ZZZ3: variants seen among roughly 807,000 people sequenced by gnomAD.
ZZZ3 encodes the protein ZZ-type zinc finger-containing protein 3.
ZZZ3 carries 22 observed loss-of-function variants against 95.2 expected under a neutral mutation model. The observed-to-expected ratio is 0.23, with a 90% confidence interval of 0.17 to 0.33. The LOEUF (loss-of-function observed/expected upper bound fraction) is 0.33. Among genes scored for constraint, ZZZ3 ranks in the 10% least tolerant of loss-of-function variants. ZZZ3 has a pLI of 1.00. For synonymous variants in ZZZ3, 335 were observed against 358.9 expected, an observed-to-expected ratio of 0.93 and a Z score of 0.75; for missense variants, 885 against 1,066.5, an observed-to-expected ratio of 0.83 and a Z score of 2.37.
intron 5 of ZZZ3, among the ~76,000 whole-genome samples, chr1:77,628,029 C>T (rs1224121032): frequency 1.3e-5 from 2 of 152,182 alleles, no homozygotes; most frequent in Non-Finnish European, 2.9e-5. Flanking sequence ...ACGCTCTGAA[C>T]ATTAAAACCT....
At chr1:77,582,406 A>G (rs1176776906) in intron 6 of ZZZ3, among the ~76,000 whole-genome samples, 2 of 152,188 alleles carry the variant, frequency 1.3e-5, no homozygotes, top group African/African-American at 4.8e-5. Context: ...AAATAAAACT[A>G]ACAACCCATA....
chr1:77,600,810 A>G (rs1209965636), intron 5 of ZZZ3, among the ~76,000 whole-genome samples: 1 of 152,114 alleles, frequency 6.6e-6, no homozygotes, highest in Non-Finnish European at 1.5e-5. Context: ...TGCTCTATAA[A>G]ACCAAAACTG....
chr1:77,618,217 A>C (rs1666503456), intron 5 of ZZZ3, among the ~76,000 whole-genome samples: 1 of 146,592 alleles, frequency 6.8e-6, no homozygotes, highest in Admixed American at 6.8e-5. Context: ...GCTCTAGAAG[A>C]GTAGACCAAT....
At chr1:77,654,005 G>A (rs1465332818) in intron 1 of ZZZ3, among the ~76,000 whole-genome samples, 2 of 151,728 alleles carry the variant, frequency 1.3e-5, no homozygotes, top group Non-Finnish European at 2.9e-5. Flanking sequence ...TGGCTAACAC[G>A]GTGAAACCCC....
chr1:77,566,271 G>A, intron 13 of ZZZ3, 90 bp from the exon 14 acceptor site: 2 of 832,518 alleles, frequency 2.4e-6, no homozygotes, highest in South Asian at 3.5e-5. Flanking sequence ...TGTGCACACA[G>A]ACATCTTCTC....
intron 5 of ZZZ3, among the ~76,000 whole-genome samples, chr1:77,626,317 A>C (rs932941179): frequency 2.0e-5 from 3 of 152,180 alleles, no homozygotes; most frequent in Non-Finnish European, 1.5e-5. Flanking sequence ...TTTACTGTGT[A>C]CTTTATTTCT....
At position 77,635,366 on chromosome 1, in the gene ZZZ3, T is replaced by C. The variant is rs1197545399; in HGVS notation, c.-51-1961A>G. ...TGGTTATATGTTCTACAGAATTTCA[T>C]AGCAACCAAGTGAACAATAAGTACA... is the stretch of plus-strand genomic sequence containing the variant. On this transcript the variant is annotated intron_variant, in intron 4 of 14. Transcript: ENST00000370801. Among the ~76,000 whole-genome samples the C allele has an allele frequency of 3.3e-5, 5 of 152,200 alleles. No individual in the cohort carries two copies. In the South Asian group the frequency reaches 8.3e-4, roughly 25 times the overall value.
intron 5 of ZZZ3, among the ~76,000 whole-genome samples, chr1:77,589,167 A>C (rs1402483469): frequency 6.6e-6 from 1 of 152,130 alleles, no homozygotes; most frequent in African/African-American, 2.4e-5. Context: ...GTGAGCCCCC[A>C]CACCCAACCA....
chr1:77,667,109 C>T (rs1671312162), intron 1 of ZZZ3, among the ~76,000 whole-genome samples: 1 of 152,168 alleles, frequency 6.6e-6, no homozygotes, highest in Admixed American at 6.5e-5. Flanking sequence ...TTACAATGTG[C>T]TAGTTAATAG....
intron 1 of ZZZ3, chr1:77,645,267 A>C (rs1669155757): frequency 6.6e-6 from 1 of 152,184 alleles, no homozygotes; most frequent in Admixed American, 6.5e-5. Context: ...AAAAGAAATA[A>C]AACTTCAGTG....
chr1:77,655,073 G>C (rs1283228698), intron 1 of ZZZ3, among the ~76,000 whole-genome samples: 1 of 152,168 alleles, frequency 6.6e-6, no homozygotes, highest in Non-Finnish European at 1.5e-5. Flanking sequence ...AGCATCACAA[G>C]GTGAGAAGGC....
At chr1:77,610,280 C>T (rs1007684828) in intron 5 of ZZZ3, among the ~76,000 whole-genome samples, 5 of 151,814 alleles carry the variant, frequency 3.3e-5, no homozygotes, top group Non-Finnish European at 7.4e-5. Flanking sequence ...AAATCCAAAA[C>T]CTGAACAGAC....
chr1:77,659,953 C>A (rs1232461729), intron 1 of ZZZ3, among the ~76,000 whole-genome samples: 1 of 152,170 alleles, frequency 6.6e-6, no homozygotes, highest in Admixed American at 6.5e-5. Context: ...CTGCTTTAGC[C>A]TCCCAAGTAG....
chr1:77,655,869 C>A (rs966457036), intron 1 of ZZZ3, among the ~76,000 whole-genome samples: 1 of 152,164 alleles, frequency 6.6e-6, no homozygotes, highest in Admixed American at 6.6e-5. Context: ...TTCTTAGGTC[C>A]AAACCAGCTT....
chr1:77,609,270 A>T (rs546168663), intron 5 of ZZZ3, among the ~76,000 whole-genome samples: 71 of 152,328 alleles, frequency 4.7e-4, no homozygotes, highest in African/African-American at 1.7e-3. Context: ...TTTTAAGACA[A>T]AATCTATAAA....
rs1373614916 is a variant in ZZZ3 at position 77,637,322 on chromosome 1, G to C, written c.-52+2127C>G. On this transcript the variant is annotated intron_variant, in intron 4 of 14. Coordinates refer to ENST00000370801, the MANE Select transcript of ZZZ3 (RefSeq NM_015534.6). ...CTTACCTGAAATTAACATGTGATGT[G>C]CACTTGAGGTAATAAACTGGTTAAA... Among the ~76,000 whole-genome samples, 4 of 152,168 alleles carry C rather than the reference G, an allele frequency of 2.6e-5. No homozygotes were observed. In the South Asian group the frequency reaches 8.3e-4, roughly 32 times the overall value.
chr1:77,576,776 ACAAC>A (rs2100526526), intron 11 of ZZZ3, among the ~76,000 whole-genome samples: 1 of 31,460 alleles, frequency 3.2e-5, no homozygotes, highest in Non-Finnish European at 1.4e-4. Context: ...AAACAAAAAA[ACAAC>A]AAAAAAAAAA....
chr1:77,663,337 A>C (rs1670979969), intron 1 of ZZZ3, among the ~76,000 whole-genome samples: 1 of 152,132 alleles, frequency 6.6e-6, no homozygotes, highest in Admixed American at 6.6e-5. Context: ...CTTAGTTCTC[A>C]GAAAAAAAAA....
intron 5 of ZZZ3, among the ~76,000 whole-genome samples, chr1:77,614,670 ATAAGT>A (rs1159382582): frequency 1.3e-5 from 2 of 152,188 alleles, no homozygotes; most frequent in African/African-American, 4.8e-5. Flanking sequence ...ATAAATTTTA[ATAAGT>A]TAAATATACT....
Sources: gnomAD v4.1 joint callset for allele counts (sites outside exome capture counted in the v4.1 genomes callset) on GRCh38, gnomAD v4.1.1 for gene constraint, MANE v1.5 for transcripts, NCBI Gene and HGNC (gene_info 2026-07-23, HGNC 2026-07-21) for gene names.